MLLT3: variants seen among roughly 807,000 people sequenced by gnomAD.
The protein encoded by MLLT3 is protein AF-9.
MLLT3 carries 4 observed loss-of-function variants against 53.2 expected under a neutral mutation model. That is an observed-to-expected ratio of 0.08 (90% CI 0.04 to 0.17). The LOEUF (loss-of-function observed/expected upper bound fraction) is 0.17. Among genes scored for constraint, MLLT3 ranks in the 10% least tolerant of loss-of-function variants. MLLT3 has a pLI of 1.00. For missense variants in MLLT3, 569 were observed against 684.0 expected (o/e 0.83, Z 1.87); for synonymous variants, 283 against 230.6 (o/e 1.23, Z -2.06).
At chr9:20,613,307 A>G (rs1820745655) in intron 2 of MLLT3, among the ~76,000 whole-genome samples, 1 of 150,336 alleles carries the variant, frequency 6.7e-6, no homozygotes, top group Non-Finnish European at 1.5e-5. Context: ...TCTCAATTGT[A>G]AAAAAAAGAT....
intron 2 of MLLT3, among the ~76,000 whole-genome samples, chr9:20,535,478 C>A (rs1301527955): frequency 6.6e-6 from 1 of 152,098 alleles, no homozygotes; most frequent in African/African-American, 2.4e-5. Context: ...AGGCCACAGC[C>A]AGCAAGCCTT....
rs1326465051 is a variant in MLLT3, at chr9:20,620,569, G to A, written c.193+85C>T. 8.2e-7 allele frequency: 1 copy of A among 1,224,874 alleles called. No individual in the cohort carries two copies. The highest frequency in any genetic ancestry group is 1.1e-6 in the Non-Finnish European group (1 of 923,736). 75.9% of individuals were successfully genotyped at this position (1,224,874 alleles called of 1,614,324 possible). A position where few individuals can be genotyped will look rare whatever the true frequency, so the allele number is the denominator to read the frequency against. Reference sequence around the variant, plus strand: ...CGCCGGCGAGCGCGGCGCGGGGGGCGGGGAGCGGGACAGCGGGACCGCCCG... The same window carrying A: ...CGCCGGCGAGCGCGGCGCGGGGGGCAGGGAGCGGGACAGCGGGACCGCCCG... On this transcript the variant is annotated intron_variant, in intron 2 of 10. Coordinates refer to ENST00000380338, the MANE Select transcript of MLLT3 (RefSeq NM_004529.4). The surrounding 1 kb of genome is among the most constrained non-coding windows in gnomAD (Gnocchi z 6.1).
At chr9:20,384,163 C>T (rs1190178245) in intron 5 of MLLT3, among the ~76,000 whole-genome samples, 1 of 152,014 alleles carries the variant, frequency 6.6e-6, no homozygotes, top group Non-Finnish European at 1.5e-5. Context: ...CACATGTTAA[C>T]TTGTCTTGGT....
intron 2 of MLLT3, among the ~76,000 whole-genome samples, chr9:20,547,943 T>G (rs1818833409): frequency 6.6e-6 from 1 of 152,132 alleles, no homozygotes; most frequent in South Asian, 2.1e-4. Context: ...CGCAGCAAGA[T>G]CTTATCTCAA....
At chr9:20,550,674 C>T (rs1046517164) in intron 2 of MLLT3, among the ~76,000 whole-genome samples, 3 of 152,194 alleles carry the variant, frequency 2.0e-5, no homozygotes, top group Non-Finnish European at 2.9e-5. Context: ...GTTGGGATTA[C>T]AGGCATGAGC....
chr9:20,437,563 G>C (rs1053606592), intron 4 of MLLT3, among the ~76,000 whole-genome samples: 2 of 152,102 alleles, frequency 1.3e-5, no homozygotes, highest in African/African-American at 2.4e-5. Flanking sequence ...CTTCTCTCAA[G>C]AGTAGGAACA....
Position 20,342,674 on chromosome 9 carries a change from A to G in MLLT3, c.*3769T>C, listed in dbSNP as rs1820764495. 3 of 214,620 alleles carry G rather than the reference A, an allele frequency of 1.4e-5. No individual in the cohort carries two copies. Among genetic ancestry groups the G allele is most frequent in the Non-Finnish European group, 2.8e-5 (3 of 106,520 alleles). The allele number at this position is 214,620 out of a possible 1,614,324, so 13.3% of individuals were successfully genotyped here. A position where few individuals can be genotyped will look rare whatever the true frequency, so the allele number is the denominator to read the frequency against. ...GCCTACATAATAAAAAGCATCATATAAAACAAAAGAGGTCAAAAGATGTAG... is the reference window on the plus strand; with the variant it reads ...GCCTACATAATAAAAAGCATCATATGAAACAAAAGAGGTCAAAAGATGTAG... On this transcript the variant is annotated 3_prime_UTR_variant, in exon 11 of 11. Coordinates refer to ENST00000380338, the MANE Select transcript of MLLT3 (RefSeq NM_004529.4).
chr9:20,512,070 T>A (rs1017562871), intron 2 of MLLT3, among the ~76,000 whole-genome samples: 1 of 152,204 alleles, frequency 6.6e-6, no homozygotes. Flanking sequence ...GACACAGACC[T>A]CTTCATGCAC....
At chr9:20,600,416 T>C (rs1038161164) in intron 2 of MLLT3, among the ~76,000 whole-genome samples, 2 of 152,194 alleles carry the variant, frequency 1.3e-5, no homozygotes, top group Admixed American at 6.5e-5. Flanking sequence ...AATCAATACT[T>C]TAGAAATACA....
At chr9:20,568,205 C>T (rs1370195585) in intron 2 of MLLT3, among the ~76,000 whole-genome samples, 3 of 151,896 alleles carry the variant, frequency 2.0e-5, no homozygotes, top group East Asian at 1.9e-4. Context: ...TAAATTCAGT[C>T]GGAGAGAGGG....
rs936929066 is a variant in MLLT3, at chr9:20,351,904, C to A, written c.1575+1621G>T. ...ATAATCACAAGCCTCAGCTGCATTA[C>A]AAGGCAAAAGGCCAAAGACTGAGAG... is the stretch of plus-strand genomic sequence containing the variant. On this transcript the variant is annotated intron_variant, in intron 10 of 10. Coordinates refer to ENST00000380338, the MANE Select transcript of MLLT3 (RefSeq NM_004529.4). Among the ~76,000 whole-genome samples the A allele has an allele frequency of 6.6e-5, 10 of 152,186 alleles. 1 individual carries two copies.
At chr9:20,348,502 G>A (rs1820933091) in intron 10 of MLLT3, among the ~76,000 whole-genome samples, 1 of 152,168 alleles carries the variant, frequency 6.6e-6, no homozygotes, top group South Asian at 2.1e-4. Flanking sequence ...ATGAAAGATG[G>A]AAGAAAAGAA....
chr9:20,488,749 G>A (rs919367110), intron 2 of MLLT3, among the ~76,000 whole-genome samples: 6 of 152,150 alleles, frequency 3.9e-5, no homozygotes, highest in African/African-American at 9.7e-5. Context: ...TTAATGTAAA[G>A]GAACAAATGC....
chr9:20,419,227 T>A (rs1250845249), intron 4 of MLLT3, among the ~76,000 whole-genome samples: 1 of 152,182 alleles, frequency 6.6e-6, no homozygotes, highest in East Asian at 1.9e-4. Context: ...TAAATATTTA[T>A]ATTCTCAAGC....
rs79457605 is a variant in MLLT3 at position 20,500,674 on chromosome 9, A to G, written c.194-43888T>C. On this transcript the variant is annotated intron_variant, in intron 2 of 10. Coordinates refer to ENST00000380338, the MANE Select transcript of MLLT3 (RefSeq NM_004529.4). ...CTATACACTGACATGCCCAGGCTCA[A>G]TATTTTCCCCATTCTTATTTCTCCC... Among the ~76,000 whole-genome samples, 1,617 of 152,304 alleles carry G rather than the reference A, an allele frequency of 0.011. 72 individuals are homozygous for G. The East Asian group carries it at 0.15, about 15-fold the overall frequency.
At chr9:20,619,021 A>C (rs1820914571) in intron 2 of MLLT3, among the ~76,000 whole-genome samples, 1 of 152,200 alleles carries the variant, frequency 6.6e-6, no homozygotes, top group Admixed American at 6.5e-5. Flanking sequence ...AGGATCTTAG[A>C]AAGTGGTTTC....
At chr9:20,373,992 A>G (rs1348034695) in intron 5 of MLLT3, among the ~76,000 whole-genome samples, 5 of 141,770 alleles carry the variant, frequency 3.5e-5, no homozygotes, top group African/African-American at 1.5e-4. Flanking sequence ...TTTGCTTAAC[A>G]TAAAAAAAAA....
At position 20,620,905 on chromosome 9, in the gene MLLT3, T is replaced by C; in HGVS notation, c.13-71A>G. On this transcript the variant is annotated intron_variant, in intron 1 of 10. Coordinates refer to ENST00000380338, the MANE Select transcript of MLLT3 (RefSeq NM_004529.4). The surrounding 1 kb of genome is among the most constrained non-coding windows in gnomAD (Gnocchi z 6.1). ...AGGTTTCGGCAGTGAACGTTGCGCC[T>C]GACATTTTTTTCCTCCTTCTTGAAA... The C allele has an allele frequency of 1.3e-6, 2 of 1,535,702 alleles. No individual in the cohort carries two copies. The highest frequency in any genetic ancestry group is 1.8e-6 in the Non-Finnish European group (2 of 1,114,674).
chr9:20,352,796 GA>G (rs1821064406), intron 10 of MLLT3, among the ~76,000 whole-genome samples: 1 of 141,588 alleles, frequency 7.1e-6, no homozygotes. Context: ...AAAAAAAGAA[GA>G]AAAAAATTCA....
Sources: allele counts gnomAD v4.1 joint callset (sites outside exome capture counted in the v4.1 genomes callset), GRCh38; gene constraint gnomAD v4.1.1; non-coding constraint Gnocchi (gnomAD v3.1); transcripts MANE v1.5; gene names NCBI Gene and HGNC (gene_info 2026-07-23, HGNC 2026-07-21).